SOX6: variants seen among roughly 807,000 people sequenced by gnomAD.
SOX6 encodes the protein transcription factor SOX-6.
SOX6 carries 11 observed loss-of-function variants against 97.8 expected under a neutral mutation model. That is an observed-to-expected ratio of 0.11 (90% CI 0.07 to 0.19). SOX6 has a LOEUF of 0.19. Ranked by LOEUF, SOX6 falls within the 10% of genes least tolerant of loss-of-function variation. SOX6 has a pLI of 1.00. For synonymous variants in SOX6, 360 were observed against 371.4 expected (o/e 0.97, Z 0.35); for missense variants, 810 against 1,039.5 (o/e 0.78, Z 3.04).
At chr11:16,692,751 T>C (rs1848025660) in intron 3 of SOX6, among the ~76,000 whole-genome samples, 1 of 152,228 alleles carries the variant, frequency 6.6e-6, no homozygotes, top group African/African-American at 2.4e-5. Context: ...TTGTTTTTTC[T>C]TTTACAAAAT....
intron 1 of SOX6, among the ~76,000 whole-genome samples, chr11:16,468,845 A>G (rs1415296274): frequency 6.6e-6 from 1 of 152,176 alleles, no homozygotes; most frequent in Non-Finnish European, 1.5e-5. Flanking sequence ...TGAAATGCCT[A>G]GCTCAGGCTG....
chr11:16,703,860 G>A (rs755498228), intron 3 of SOX6, among the ~76,000 whole-genome samples: 2 of 152,016 alleles, frequency 1.3e-5, no homozygotes, highest in Non-Finnish European at 2.9e-5. Context: ...TCACCCCCAG[G>A]TACTCAACAA....
At chr11:16,661,821 A>G (rs1847768208) in intron 3 of SOX6, among the ~76,000 whole-genome samples, 1 of 152,144 alleles carries the variant, frequency 6.6e-6, no homozygotes, top group South Asian at 2.1e-4. Flanking sequence ...AAGGGCTGGG[A>G]GACTCTAGGG....
intron 1 of SOX6, among the ~76,000 whole-genome samples, chr11:16,341,990 C>T (rs1490543658): frequency 6.6e-6 from 1 of 151,934 alleles, no homozygotes; most frequent in Non-Finnish European, 1.5e-5. Flanking sequence ...ATAGCTATAC[C>T]TCTATTTTAT....
At chr11:16,313,796 T>C (rs921238209) in intron 3 of SOX6, 2 of 137,350 alleles carry the variant, frequency 1.5e-5, no homozygotes, top group Non-Finnish European at 3.2e-5. Flanking sequence ...TTTTTTTTTT[T>C]AATTGTATTA....
At position 16,117,643 on chromosome 11, in the gene SOX6, C is replaced by T. The variant is rs367614164; in HGVS notation, c.778-5720G>A. Among the ~76,000 whole-genome samples the T allele has an allele frequency of 8.5e-5, 13 of 152,166 alleles. No individual in the cohort carries two copies. The South Asian group carries it at 1.2e-3, about 15-fold the overall frequency. On this transcript the variant is annotated intron_variant, in intron 6 of 15. Coordinates refer to ENST00000683767, the MANE Select transcript of SOX6 (RefSeq NM_001367873.1). ...GCTTGGTGGCCACCTAAGAATCACA[C>T]AAACATCCAGGATATTTTCCTTTTA...
chr11:16,692,056 C>A (rs370782251), intron 3 of SOX6, among the ~76,000 whole-genome samples: 2 of 144,290 alleles, frequency 1.4e-5, no homozygotes, highest in South Asian at 4.7e-4. Flanking sequence ...TTTGCGTGTG[C>A]GTGTGTGTGT....
chr11:16,373,867 GGAAGGAAGGAAGGAAGGA>G (rs1857568794), intron 1 of SOX6, among the ~76,000 whole-genome samples: 6 of 26,774 alleles, frequency 2.2e-4, no homozygotes, highest in South Asian at 1.2e-3. Flanking sequence ...AAGGAAGGAA[GGAAGGAAGGAAGGAAGGA>G]AGGGAGGGAG....
intron 1 of SOX6, among the ~76,000 whole-genome samples, chr11:16,472,673 A>G (rs1860159451): frequency 6.6e-6 from 1 of 152,098 alleles, no homozygotes; most frequent in Non-Finnish European, 1.5e-5. Context: ...ATGAACATCT[A>G]TTTTTTTAAG....
chr11:16,533,898 C>T (rs564511458), intron 4 of SOX6, among the ~76,000 whole-genome samples: 80 of 152,034 alleles, frequency 5.3e-4, no homozygotes, highest in Non-Finnish European at 9.4e-4. Context: ...TTTTGATGAT[C>T]AGTTTTTGAA....
upstream of SOX6, among the ~76,000 whole-genome samples, chr11:16,359,670 C>T (rs1479707917): frequency 1.3e-5 from 2 of 151,998 alleles, no homozygotes; most frequent in East Asian, 1.9e-4. Context: ...TCTACAAATG[C>T]CACTGATAAA....
At chr11:16,252,821 C>G (rs1853556283) in intron 3 of SOX6, among the ~76,000 whole-genome samples, 1 of 152,084 alleles carries the variant, frequency 6.6e-6, no homozygotes, top group African/African-American at 2.4e-5. Context: ...GCCATCCTCT[C>G]CCACCTAAGC....
At chr11:16,368,033 A>C (rs1032329060) in intron 1 of SOX6, among the ~76,000 whole-genome samples, 1 of 152,110 alleles carries the variant, frequency 6.6e-6, no homozygotes, top group Non-Finnish European at 1.5e-5. Context: ...TTTTCACTTA[A>C]AGTCGCGGCT....
intron 2 of SOX6, among the ~76,000 whole-genome samples, chr11:16,321,728 A>C (rs1855932408): frequency 6.6e-6 from 1 of 152,116 alleles, no homozygotes; most frequent in African/African-American, 2.4e-5. Flanking sequence ...ATTTCCCCAC[A>C]AAAGCCACAA....
At chr11:16,228,696 G>A (rs1590046553) in intron 4 of SOX6, among the ~76,000 whole-genome samples, 2 of 152,156 alleles carry the variant, frequency 1.3e-5, no homozygotes, top group Admixed American at 6.6e-5. Context: ...GTAACTATGT[G>A]AGGTGATGCA....
intron 3 of SOX6, among the ~76,000 whole-genome samples, chr11:16,247,958 G>C (rs1853388822): frequency 6.6e-6 from 1 of 152,090 alleles, no homozygotes; most frequent in Non-Finnish European, 1.5e-5. Flanking sequence ...AAGCAAGTTA[G>C]TTACTTCCTA....
At position 16,240,275 on chromosome 11, in the gene SOX6, A is replaced by AGTGTGTGTGTGT. The variant is rs4031660; in HGVS notation, c.446-5616_446-5605dup. ...CCAAAACCACTTTACTAGATAATAT[A>AGTGTGTGTGTGT]GTGTGTGTGTGTGTGTGTGTGTGTG... On this transcript the variant is annotated intron_variant, in intron 3 of 15. Transcript: ENST00000683767. Among the ~76,000 whole-genome samples the AGTGTGTGTGTGT allele has an allele frequency of 2.9e-3, 370 of 129,146 alleles. 2 individuals carry two copies. The highest frequency in any genetic ancestry group is 4.8e-3 in the South Asian group (17 of 3,536). 84.7% of individuals were successfully genotyped at this position (129,146 alleles called of 152,430 possible).
At chr11:16,138,443 G>T (rs1195101031) in intron 6 of SOX6, among the ~76,000 whole-genome samples, 1 of 152,076 alleles carries the variant, frequency 6.6e-6, no homozygotes, top group Non-Finnish European at 1.5e-5. Context: ...CCAGAATCAT[G>T]TGTCATCATG....
intron 4 of SOX6, among the ~76,000 whole-genome samples, chr11:16,524,188 T>C (rs1861118032): frequency 6.6e-6 from 1 of 152,096 alleles, no homozygotes; most frequent in Admixed American, 6.6e-5. Context: ...AAGAGAATTT[T>C]AGACCAATAT....
Sources: allele counts gnomAD v4.1 joint callset (sites outside exome capture counted in the v4.1 genomes callset), GRCh38; gene constraint gnomAD v4.1.1; transcripts MANE v1.5; gene names NCBI Gene and HGNC (gene_info 2026-07-23, HGNC 2026-07-21).